PARP10: variants seen among roughly 807,000 people sequenced by gnomAD.
PARP10 encodes protein mono-ADP-ribosyltransferase PARP10.
PARP10 carries 56 observed loss-of-function variants against 82.4 expected under a neutral mutation model. The observed-to-expected ratio is 0.68, with a 90% CI of 0.55 to 0.85. The LOEUF is 0.85. PARP10 is among the 40% of genes least tolerant of loss of function. The pLI is 0.00. For synonymous variants in PARP10, 576 were observed against 601.1 expected (o/e 0.96, Z 0.61); for missense variants, 1,227 against 1,379.4 (o/e 0.89, Z 1.75).
intron 1 of PARP10, among the ~76,000 whole-genome samples, chr8:143,999,444 T>C (rs1410304788): frequency 1.3e-5 from 2 of 152,146 alleles, no homozygotes; most frequent in Admixed American, 1.3e-4. Context: ...GCTCAAGTGG[T>C]CCGCCCACCT....
At chr8:143,992,151 G>A (rs1389030513), upstream of PARP10, 2 of 1,602,634 alleles carry the variant, frequency 1.2e-6, no homozygotes, top group Non-Finnish European at 1.7e-6. Flanking sequence ...TCCGGGCCTG[G>A]TCACCGTGGT....
At chr8:143,999,717 G>A (rs1298354757) in intron 1 of PARP10, among the ~76,000 whole-genome samples, 3 of 151,218 alleles carry the variant, frequency 2.0e-5, no homozygotes, top group African/African-American at 7.3e-5. Context: ...AGGATTATAG[G>A]TGTGAGTCAC....
chr8:143,980,148 C>T (rs1214910791), intron 9 of PARP10, among the ~76,000 whole-genome samples: 1 of 150,690 alleles, frequency 6.6e-6, no homozygotes, highest in South Asian at 2.1e-4. Context: ...GGTGAAACCC[C>T]GTCTCTAATA....
chr8:144,002,975 A>G (rs1834212259), intron 1 of PARP10, among the ~76,000 whole-genome samples: 1 of 152,236 alleles, frequency 6.6e-6, no homozygotes, highest in South Asian at 2.1e-4. Context: ...TAACACATGC[A>G]ACAGACAATG....
Position 143,986,113 on chromosome 8 carries a change from A to G in PARP10, c.123T>C (p.Pro41=), listed in dbSNP as rs1200851293. The G allele has an allele frequency of 2.5e-6, 4 of 1,613,896 alleles. No individual in the cohort carries two copies. Among genetic ancestry groups the G allele is most frequent in the Non-Finnish European group, 2.5e-6 (3 of 1,180,004 alleles). The change falls in exon 2 of 11, where the codon CCT becomes CCC. Residue 41 remains proline (P), a synonymous_variant. Transcript: ENST00000313028. ...AGCCCAGTCTCTGCCAGCTCAACAC[A>G]GGTCCCCCTCCAGAGCGTCGGCGGT... ...FENRRRSGGG[P]VLSWQRLGCG...
exon 1 of PARP10, chr8:144,012,602 G>A: frequency 6.4e-7 from 1 of 1,551,754 alleles, no homozygotes; most frequent in Non-Finnish European, 8.7e-7. Flanking sequence ...AGTTGGTGCG[G>A]CTCATTCGGG....
intron 1 of PARP10, among the ~76,000 whole-genome samples, chr8:144,004,837 C>A (rs1218557854): frequency 6.6e-6 from 1 of 152,120 alleles, no homozygotes; most frequent in African/African-American, 2.4e-5. Flanking sequence ...AAGGCACAGA[C>A]TGGGAGCAGG....
rs368494904 is a variant in PARP10, at chr8:143,983,085, G to T, written c.2423-20C>A. On this transcript the variant is annotated intron_variant, in intron 8 of 10. Coordinates refer to ENST00000313028, the MANE Select transcript of PARP10 (RefSeq NM_032789.5). Reference sequence around the variant, plus strand: ...CCGCCACTGATGCATGGGGAAAAGCGGGGGGTCAGAGCCATGCCTGGGGCA... The same window carrying T: ...CCGCCACTGATGCATGGGGAAAAGCTGGGGGTCAGAGCCATGCCTGGGGCA... 19 of 1,613,480 alleles carry T rather than the reference G, an allele frequency of 1.2e-5. 1 individual carries two copies. Among genetic ancestry groups the T allele is most frequent in the East Asian group, 1.1e-4 (5 of 44,570 alleles).
At position 143,983,704 on chromosome 8, in the gene PARP10, C is replaced by T. The variant is rs143141170; in HGVS notation, c.1885G>A (p.Glu629Lys). 6.2e-7 allele frequency: 1 copy of T among 1,609,974 alleles called. No individual in the cohort carries two copies. The highest frequency in any genetic ancestry group is 8.5e-7 in the Non-Finnish European group (1 of 1,177,986). The change falls in exon 8 of 11, where the codon GAG (glutamate) becomes AAG (lysine). Residue 629 changes from glutamate (E) to lysine (K), a missense_variant. Physicochemically the swap from Glu to Lys is moderately conservative, Grantham distance 56. Coordinates refer to ENST00000313028, the MANE Select transcript of PARP10 (RefSeq NM_032789.5). Reference sequence around the variant, plus strand: ...TCCTCCTCATGCCCTGGGGTCACCTCCTCCTCTGGCTGCTCCTGAGGCCCT... The same window carrying T: ...TCCTCCTCATGCCCTGGGGTCACCTTCTCCTCTGGCTGCTCCTGAGGCCCT... ...EEGPQEQPEE[E>K]VTPGHEEEEP...
intron 1 of PARP10, among the ~76,000 whole-genome samples, chr8:144,000,605 G>T (rs1282409644): frequency 6.6e-6 from 1 of 152,030 alleles, no homozygotes; most frequent in Non-Finnish European, 1.5e-5. Flanking sequence ...ACTCCAGCCT[G>T]GGCGACAGAA....
At chr8:143,997,944 C>G (rs1005706316) in intron 1 of PARP10, among the ~76,000 whole-genome samples, 1 of 151,942 alleles carries the variant, frequency 6.6e-6, no homozygotes, top group African/African-American at 2.4e-5. Flanking sequence ...ACCACCATGC[C>G]TGGCTAATTT....
In PARP10 at chr8:143,984,931, C is replaced by T; in HGVS notation, c.1071G>A (p.Leu357=). The part of the protein sequence containing the change: ...EQVSSMPMGS[L]EHEGLVSLRP... Reference sequence around the variant, plus strand: ...TCAGGCTTACCAGCCCCTCATGTTCCAGAGACCCCATGGGCATCGAGCTGA... The same window carrying T: ...TCAGGCTTACCAGCCCCTCATGTTCTAGAGACCCCATGGGCATCGAGCTGA... Residue 357 remains leucine, a synonymous_variant, in exon 5 of 11, where the codon CTG becomes CTA. Coordinates refer to ENST00000313028, the MANE Select transcript of PARP10 (RefSeq NM_032789.5). 1 of 1,614,022 alleles carries T rather than the reference C, an allele frequency of 6.2e-7. No homozygotes were observed.
At chr8:143,980,319 CAAAAAAAAAAAAAAAAAA>C (rs564801582) in intron 9 of PARP10, among the ~76,000 whole-genome samples, 166 of 16,112 alleles carry the variant, frequency 0.01, 5 homozygotes, top group African/African-American at 0.017. Context: ...GATTCCGTCT[CAAAAAAAAAAAAAAAAAA>C]AAAAAAAAAA....
intron 9 of PARP10, among the ~76,000 whole-genome samples, chr8:143,980,548 T>C (rs921340220): frequency 1.3e-5 from 2 of 149,828 alleles, no homozygotes; most frequent in African/African-American, 4.9e-5. Context: ...TAAATGTATA[T>C]ATTAATATAT....
At chr8:143,981,387 T>C (rs1833854052) in intron 9 of PARP10, among the ~76,000 whole-genome samples, 2 of 72,532 alleles carry the variant, frequency 2.8e-5, no homozygotes, top group Non-Finnish European at 5.7e-5. Flanking sequence ...GTGGTGAAGG[T>C]GATGGTGATG....
intron 9 of PARP10, among the ~76,000 whole-genome samples, chr8:143,979,972 ACTG>A (rs782268026): frequency 6.4e-4 from 88 of 137,956 alleles, no homozygotes; most frequent in Non-Finnish European, 1.0e-3. Flanking sequence ...ACATCGTGCC[ACTG>A]CACTCCAGCC....
In PARP10 at chr8:143,983,079, A is replaced by T. The variant is rs1833899854; in HGVS notation, c.2423-14T>A. 1 of 1,613,852 alleles carries T rather than the reference A, an allele frequency of 6.2e-7. No homozygotes were observed. Among genetic ancestry groups the T allele is most frequent in the Admixed American group, 1.7e-5 (1 of 60,014 alleles). On this transcript the variant is annotated splice_polypyrimidine_tract_variant and intron_variant, in intron 8 of 10. Coordinates refer to ENST00000313028, the MANE Select transcript of PARP10 (RefSeq NM_032789.5). ...TCTGCCCCGCCACTGATGCATGGGGAAAAGCGGGGGGTCAGAGCCATGCCT... is the reference window on the plus strand; with the variant it reads ...TCTGCCCCGCCACTGATGCATGGGGTAAAGCGGGGGGTCAGAGCCATGCCT...
chr8:143,985,237 C>A lies in PARP10; in HGVS notation c.765G>T (p.Leu255=). Residue 255 remains leucine (L), a synonymous_variant, in exon 5 of 11, where the codon CTG becomes CTT. Coordinates refer to ENST00000313028, the MANE Select transcript of PARP10 (RefSeq NM_032789.5). ...PHYDILEPEE[L]AENTSGGDHP... ...GGTCCCCTCCACTGGTGTTCTCAGC[C>A]AGCTCCTCGGGCTCCAGGATGTCGT... The A allele has an allele frequency of 6.2e-7, 1 of 1,614,094 alleles. No individual in the cohort carries two copies.
rs1564250257 is a variant in PARP10, at chr8:143,983,259, T to G, written c.2330A>C (p.His777Pro). ...DCTILRGFGA[H>P]PARAARHLVA... Reference sequence around the variant, plus strand: ...CAAGTGGCGGGCAGCACGGGCAGGGTGGGCCCCGAAGCCACGGAGGATGGT... The same window carrying G: ...CAAGTGGCGGGCAGCACGGGCAGGGGGGGCCCCGAAGCCACGGAGGATGGT... The change falls in exon 8 of 11, where the codon CAC becomes CCC. Residue 777 changes from histidine (H) to proline (P), a missense_variant. Transcript: ENST00000313028. 6.2e-7 allele frequency: 1 copy of G among 1,612,304 alleles called. No homozygotes were observed. Among genetic ancestry groups the G allele is most frequent in the African/African-American group, 1.3e-5 (1 of 74,992 alleles).
Sources: allele counts gnomAD v4.1 joint callset (sites outside exome capture counted in the v4.1 genomes callset), GRCh38; gene constraint gnomAD v4.1.1; transcripts MANE v1.5; gene names NCBI Gene and HGNC (gene_info 2026-07-23, HGNC 2026-07-21).